PUS7L: variants seen among roughly 807,000 people sequenced by gnomAD.
PUS7L encodes pseudouridine synthase 7 like.
In PUS7L, 49 loss-of-function variants were observed where a neutral mutation model predicts 51.1. The observed-to-expected ratio is 0.96, with a 90% CI of 0.76 to 1.22. The LOEUF (loss-of-function observed/expected upper bound fraction) is 1.22, where lower values mean the gene tolerates loss of function less well. Among genes scored for constraint, PUS7L ranks in the 50% most tolerant of loss-of-function variants. The pLI is 0.00. For missense variants in PUS7L, 828 were observed against 820.6 expected, an observed-to-expected ratio of 1.01 and a Z score of -0.11; for synonymous variants, 277 against 276.2, an observed-to-expected ratio of 1.00 and a Z score of -0.03.
At chr12:43,739,383 G>A (rs1937776552) in intron 5 of PUS7L, 1 of 152,178 alleles carries the variant, frequency 6.6e-6, no homozygotes, top group East Asian at 1.9e-4. Flanking sequence ...TTTCAGGTTA[G>A]GATTAAATGA....
intron 2 of PUS7L, among the ~76,000 whole-genome samples, chr12:43,753,034 C>A (rs1249274323): frequency 3.3e-5 from 5 of 152,076 alleles, no homozygotes; most frequent in African/African-American, 1.2e-4. Flanking sequence ...CTCATTAACC[C>A]AAATTAATAT....
intron 5 of PUS7L, chr12:43,740,928 C>G (rs1937868984): frequency 6.6e-6 from 1 of 152,156 alleles, no homozygotes; most frequent in Non-Finnish European, 1.5e-5. Context: ...CCATCCTGGT[C>G]AAGTCTTCAG....
At chr12:43,753,732 C>T (rs942108705) in intron 2 of PUS7L, among the ~76,000 whole-genome samples, 5 of 152,044 alleles carry the variant, frequency 3.3e-5, no homozygotes, top group Non-Finnish European at 5.9e-5. Flanking sequence ...AAAAACACTG[C>T]CTGGAAATCT....
Position 43,729,778 on chromosome 12 carries a change from T to C in PUS7L, c.*598A>G, listed in dbSNP as rs1275398366. 3 of 152,456 alleles carry C rather than the reference T, an allele frequency of 2.0e-5. No individual in the cohort carries two copies. Among genetic ancestry groups the C allele is most frequent in the Admixed American group, 1.3e-4 (2 of 15,296 alleles). The allele number at this position is 152,456 out of a possible 1,614,324, so 9.4% of individuals were successfully genotyped here. On this transcript the variant is annotated 3_prime_UTR_variant, in exon 9 of 9. Coordinates refer to ENST00000344862, the MANE Select transcript of PUS7L (RefSeq NM_031292.5). ...TCAAGAGGGTCAGCGTATGCCAAGA[T>C]ATAAAAATTGGATGAGAAATTGTAT... is the stretch of plus-strand genomic sequence containing the variant.
At chr12:43,738,525 T>TA (rs1937725813) in intron 5 of PUS7L, 134 bp from the exon 6 acceptor site, 2 of 596,450 alleles carry the variant, frequency 3.4e-6, no homozygotes, top group East Asian at 5.8e-5. Context: ...ATTTTCTCTT[T>TA]AGGCTTGCAA....
chr12:43,742,341 T>C, intron 5 of PUS7L, 116 bp downstream of exon 5: 1 of 678,128 alleles, frequency 1.5e-6, no homozygotes, highest in Non-Finnish European at 2.6e-6. Context: ...GTAATATATT[T>C]GGTATGTGAG....
chr12:43,746,065 T>C lies in PUS7L; in HGVS notation c.1244A>G (p.Glu415Gly). 6.7e-7 allele frequency: 1 copy of C among 1,498,186 alleles called. No individual in the cohort carries two copies. The highest frequency in any genetic ancestry group is 9.2e-7 in the Non-Finnish European group (1 of 1,089,288). The allele number at this position is 1,498,186 out of a possible 1,614,324, so 92.8% of individuals were successfully genotyped here. ...DSANLRERIM[E>G]AIENVKKKGF... ...TCTTACCTTAACATTTTCTATTGCT[T>C]CCATAATTCTCTCCCTCAGGTTTGC... The change falls in exon 4 of 9, where the codon GAA becomes GGA. Residue 415 changes from glutamate (E) to glycine (G), a missense_variant. Coordinates refer to ENST00000344862, the MANE Select transcript of PUS7L (RefSeq NM_031292.5).
chr12:43,749,191 TC>T (rs1938322617), intron 2 of PUS7L, among the ~76,000 whole-genome samples: 1 of 152,186 alleles, frequency 6.6e-6, no homozygotes, highest in South Asian at 2.1e-4. Flanking sequence ...GTGCACCACT[TC>T]CCTTCACATA....
At chr12:43,739,850 C>G (rs1937807414) in intron 5 of PUS7L, 1 of 152,030 alleles carries the variant, frequency 6.6e-6, no homozygotes. Context: ...AGAGTACTAT[C>G]AAAGTAAGTA....
intron 3 of PUS7L, among the ~76,000 whole-genome samples, chr12:43,747,877 C>T (rs1196842713): frequency 1.3e-5 from 2 of 152,062 alleles, no homozygotes; most frequent in Non-Finnish European, 2.9e-5. Flanking sequence ...CAACTCCCAC[C>T]TCCCTATTCA....
chr12:43,753,207 A>G (rs1938539959), intron 2 of PUS7L, among the ~76,000 whole-genome samples: 2 of 152,184 alleles, frequency 1.3e-5, no homozygotes, highest in South Asian at 2.1e-4. Context: ...TAACTATTAC[A>G]TAGTAAACAA....
Position 43,755,181 on chromosome 12 carries a change from C to T in PUS7L, c.65G>A (p.Gly22Glu). The change falls in exon 2 of 9, where the codon GGA becomes GAA. Residue 22 changes from glycine to glutamate, a missense_variant. By Grantham distance (98) the Gly-to-Glu change is moderately conservative. Coordinates refer to ENST00000344862, the MANE Select transcript of PUS7L (RefSeq NM_031292.5). ...TGAGCTTTTTATAGTGCCATGAAATCCAACGTGATCATTAAAGAAACACAA... is the reference window on the plus strand; with the variant it reads ...TGAGCTTTTTATAGTGCCATGAAATTCAACGTGATCATTAAAGAAACACAA... ...SSLCFFNDHV[G>E]FHGTIKSSPS... 1.9e-6 allele frequency: 3 copies of T among 1,611,552 alleles called. No homozygotes were observed. The highest frequency in any genetic ancestry group is 2.5e-6 in the Non-Finnish European group (3 of 1,178,832).
Position 43,758,747 on chromosome 12 carries a change from C to T in PUS7L, c.-34G>A, listed in dbSNP as rs904142157. 9 of 980,442 alleles carry T rather than the reference C, an allele frequency of 9.2e-6. No individual in the cohort carries two copies. The highest frequency in any genetic ancestry group is 6.5e-5 in the Admixed American group (1 of 15,362). The allele number at this position is 980,442 out of a possible 1,614,324, so 60.7% of individuals were successfully genotyped here. ...CCGTCTACCTCGGTTCAGTGGAAGG[C>T]ATTCATTTGCACAACGCTGTGCGCA... On this transcript the variant is annotated 5_prime_UTR_variant, in exon 1 of 9. The change abolishes an upstream ATG in the 5' untranslated region. Coordinates refer to ENST00000344862, the MANE Select transcript of PUS7L (RefSeq NM_031292.5).
intron 7 of PUS7L, among the ~76,000 whole-genome samples, chr12:43,733,309 T>C (rs1183127171): frequency 1.3e-5 from 2 of 152,244 alleles, no homozygotes; most frequent in African/African-American, 4.8e-5. Context: ...ACATGCCCCA[T>C]ATACCATTTA....
intron 7 of PUS7L, among the ~76,000 whole-genome samples, chr12:43,735,778 G>GT (rs1392823941): frequency 6.6e-6 from 1 of 151,836 alleles, no homozygotes; most frequent in Non-Finnish European, 1.5e-5. Flanking sequence ...CATCTGTAAT[G>GT]TTTTTATTTT....
At chr12:43,731,532 T>C (rs550253853) in intron 8 of PUS7L, among the ~76,000 whole-genome samples, 173 bp downstream of exon 8, 17 of 152,304 alleles carry the variant, frequency 1.1e-4, no homozygotes, top group African/African-American at 4.1e-4. Context: ...ATCAAAAATA[T>C]GTTTATCAAA....
chr12:43,754,694 T>C lies in PUS7L; in HGVS notation c.552A>G (p.Pro184=), dbSNP rs750666996. 6.2e-7 allele frequency: 1 copy of C among 1,613,878 alleles called. No individual in the cohort carries two copies. Among genetic ancestry groups the C allele is most frequent in the Non-Finnish European group, 8.5e-7 (1 of 1,179,840 alleles). The part of the protein sequence containing the change: ...SLHSAIRQKF[P]FLVTVGKNSE... ...TGTTTTTTCCTACAGTTACTAAAAA[T>C]GGAAATTTCTGCCTAATGGCACTGT... is the stretch of plus-strand genomic sequence containing the variant. Residue 184 remains proline, a synonymous_variant, in exon 2 of 9, where the codon CCA becomes CCG. Coordinates refer to ENST00000344862, the MANE Select transcript of PUS7L (RefSeq NM_031292.5).
intron 3 of PUS7L, among the ~76,000 whole-genome samples, chr12:43,748,114 G>A (rs1012902532): frequency 6.6e-6 from 1 of 152,076 alleles, no homozygotes; most frequent in Non-Finnish European, 1.5e-5. Context: ...TGAGTAGTAG[G>A]CTTACCGGTA....
rs745605909 is a variant in PUS7L at position 43,736,530 on chromosome 12, T to C, written c.1576A>G (p.Met526Val). The C allele has an allele frequency of 6.2e-7, 1 of 1,614,204 alleles. No individual in the cohort carries two copies. The highest frequency in any genetic ancestry group is 1.1e-5 in the South Asian group (1 of 91,086). The change falls in exon 7 of 9, where the codon ATG (methionine) becomes GTG (valine). Residue 526 changes from methionine (M) to valine (V), a missense_variant. Transcript: ENST00000344862. ...TATGCGTGAACATAGAATATGCGCA[T>C]GGAATGGGGTAAAGAGAACCATGCC... ...IQAWFSLPHS[M>V]RIFYVHAYTS...
Sources: gnomAD v4.1 joint callset for allele counts (sites outside exome capture counted in the v4.1 genomes callset) on GRCh38, gnomAD v4.1.1 for gene constraint, MANE v1.5 for transcripts, NCBI Gene and HGNC (gene_info 2026-07-23, HGNC 2026-07-21) for gene names.